Variants in SELENOW observed in about 807,000 individuals in gnomAD.
SELENOW encodes the protein selenoprotein W, also known as selenoprotein W, 1.
SELENOW carries 20 observed loss-of-function variants against 16.6 expected under a neutral mutation model. The ratio of observed to expected loss-of-function variants is 1.21; its 90% CI spans 0.85 to 1.76. The LOEUF is 1.76. SELENOW is among the 40% of genes most tolerant of loss of function. The pLI is 0.00. For missense variants in SELENOW, 124 were observed against 111.0 expected, an observed-to-expected ratio of 1.12 and a Z score of -0.53; for synonymous variants, 44 against 46.2, an observed-to-expected ratio of 0.95 and a Z score of 0.19.
intron 4 of SELENOW, 31 bp from the exon 5 acceptor site, chr19:47,781,259 C>T: frequency 3.1e-6 from 5 of 1,604,110 alleles, no homozygotes; most frequent in Non-Finnish European, 3.4e-6. Context: ...TCGGTCCCAG[C>T]TCACCCCTTC....
At chr19:47,780,453 C>T (rs761834353) in intron 1 of SELENOW, 5 of 536,558 alleles carry the variant, frequency 9.3e-6, no homozygotes, top group African/African-American at 3.8e-5. Flanking sequence ...CCTCCCCCTT[C>T]TCTGTCTCTT....
intron 3 of SELENOW, 50 bp from the exon 4 acceptor site, chr19:47,781,058 C>T: frequency 6.3e-7 from 1 of 1,580,332 alleles, no homozygotes; most frequent in Non-Finnish European, 8.7e-7. Context: ...AGGGTCTCCC[C>T]AAGAGGACAT....
intron 1 of SELENOW, chr19:47,779,825 TTAAAG>T (rs1030176930): frequency 5.8e-6 from 1 of 172,574 alleles, no homozygotes; most frequent in Non-Finnish European, 1.3e-5. Flanking sequence ...AAAAAGTAAA[TTAAAG>T]AGAGGAATTT....
At chr19:47,781,510 G>A (rs1033975136) in intron 5 of SELENOW, 122 bp downstream of exon 5, 4 of 649,700 alleles carry the variant, frequency 6.2e-6, no homozygotes, top group African/African-American at 5.4e-5. Flanking sequence ...TGTCCCCAGA[G>A]CGAGCGGGAT....
intron 5 of SELENOW, chr19:47,783,467 T>C (rs1008047598): frequency 4.6e-5 from 7 of 152,332 alleles, no homozygotes; most frequent in African/African-American, 1.7e-4. Flanking sequence ...CCTCCCGAAG[T>C]GCTGGGATTA....
chr19:47,781,420 C>A, intron 5 of SELENOW, 32 bp downstream of exon 5: 1 of 1,183,180 alleles, frequency 8.5e-7, no homozygotes. Context: ...GGACACCACC[C>A]TTTGGATCTT....
Position 47,779,893 on chromosome 19 carries a change from G to A in SELENOW, c.30-832G>A, listed in dbSNP as rs985032292. 3.2e-5 allele frequency: 8 copies of A among 251,528 alleles called. No individual in the cohort carries two copies. The South Asian group carries it at 3.3e-4, about 10-fold the overall frequency. 15.6% of individuals were successfully genotyped at this position (251,528 alleles called of 1,614,324 possible). Reference sequence around the variant, plus strand: ...GAGGCTGGGACTGGGGTGGGGGCAGGTCAGTAGCTTCAAGTCTGGACTGCA... The same window carrying A: ...GAGGCTGGGACTGGGGTGGGGGCAGATCAGTAGCTTCAAGTCTGGACTGCA... On this transcript the variant is annotated intron_variant, in intron 1 of 5. Coordinates refer to ENST00000601048, the MANE Select transcript of SELENOW (RefSeq NM_003009.4).
At chr19:47,780,327 G>A (rs1006348415) in intron 1 of SELENOW, 2 of 364,692 alleles carry the variant, frequency 5.5e-6, no homozygotes, top group African/African-American at 4.2e-5. Context: ...GGTGGGCACA[G>A]GGAGTGGGTG....
At chr19:47,780,447 C>T in intron 1 of SELENOW, 1 of 532,930 alleles carries the variant, frequency 1.9e-6, no homozygotes, top group South Asian at 2.1e-5. Context: ...TTTTCCCCTC[C>T]CCCTTCTCTG....
Position 47,781,301 on chromosome 19 carries a change from C to G in SELENOW, c.195C>G (p.Gly65=), listed in dbSNP as rs904133911. 3 of 1,613,470 alleles carry G rather than the reference C, an allele frequency of 1.9e-6. No homozygotes were observed. In the African/African-American group the frequency reaches 4.0e-5, roughly 22 times the overall value. ...CCTCCCCTCCCTAGAAAGGCGATGG[C>G]TACGTGGACACAGAAAGCAAGTTTC... is the stretch of plus-strand genomic sequence containing the variant. ...KLIHSKKKGD[G]YVDTESKFLK... is the part of the protein sequence containing the mutation. Residue 65 remains glycine, a synonymous_variant, in exon 5 of 6, where the codon GGC becomes GGG. Transcript: ENST00000601048.
intron 5 of SELENOW, chr19:47,782,291 A>G (rs1424398145): frequency 6.6e-6 from 1 of 152,228 alleles, no homozygotes; most frequent in Non-Finnish European, 1.5e-5. Flanking sequence ...ACTGAACATG[A>G]GTCCAAGAAT....
At position 47,778,746 on chromosome 19, in the gene SELENOW, C is replaced by A; in HGVS notation, c.-40C>A. On this transcript the variant is annotated 5_prime_UTR_variant, in exon 1 of 6. Coordinates refer to ENST00000601048, the MANE Select transcript of SELENOW (RefSeq NM_003009.4). ...CGTCCAGGTGGGAGGTTAGTGTGGC[C>A]CGGGCGTCCGCTCCTCAGCGGATGT... is the stretch of plus-strand genomic sequence containing the variant. 6.3e-7 allele frequency: 1 copy of A among 1,588,984 alleles called. No individual in the cohort carries two copies. Among genetic ancestry groups the A allele is most frequent in the South Asian group, 1.1e-5 (1 of 87,306 alleles).
intron 5 of SELENOW, 178 bp downstream of exon 5, chr19:47,781,566 G>T (rs1967477352): frequency 3.3e-6 from 2 of 607,398 alleles, no homozygotes; most frequent in Admixed American, 2.8e-5. Flanking sequence ...GATGGGGTCA[G>T]AGGTGTGCAG....
chr19:47,779,047 G>A (rs960717460), intron 1 of SELENOW: 5 of 554,130 alleles, frequency 9.0e-6, no homozygotes, highest in African/African-American at 7.8e-5. Context: ...AAAAGGTGGG[G>A]CTGAGACGAG....
Position 47,781,308 on chromosome 19 carries a change from G to A in SELENOW, c.202G>A (p.Asp68Asn). The A allele has an allele frequency of 6.2e-7, 1 of 1,613,646 alleles. No homozygotes were observed. Among genetic ancestry groups the A allele is most frequent in the Non-Finnish European group, 8.5e-7 (1 of 1,179,692 alleles). ...TCCCTAGAAAGGCGATGGCTACGTGGACACAGAAAGCAAGTTTCTGAAGTT... is the reference window on the plus strand; with the variant it reads ...TCCCTAGAAAGGCGATGGCTACGTGAACACAGAAAGCAAGTTTCTGAAGTT... The part of the protein sequence containing the change: ...HSKKKGDGYV[D>N]TESKFLKLVA... The change falls in exon 5 of 6, where the codon GAC (aspartate) becomes AAC (asparagine). Residue 68 changes from aspartate to asparagine, a missense_variant. Asp to Asn is a conservative substitution (Grantham distance 23). Coordinates refer to ENST00000601048, the MANE Select transcript of SELENOW (RefSeq NM_003009.4).
At position 47,781,098 on chromosome 19, in the gene SELENOW, C is replaced by CT. The variant is rs762580510; in HGVS notation, c.109-7dup. ...GCCCCTCCAACATCTCCCCTACCCC[C>CT]TTTCCTCAGTGCGGCGAGGGAACTC... On this transcript the variant is annotated splice_polypyrimidine_tract_variant and intron_variant, in intron 3 of 5. Transcript: ENST00000601048. The CT allele has an allele frequency of 2.5e-6, 4 of 1,613,132 alleles. No homozygotes were observed. The African/African-American group carries it at 5.3e-5, about 22-fold the overall frequency.
In SELENOW at chr19:47,780,767, C is replaced by CT. The variant is rs780465404; in HGVS notation, c.54+18_54+19insT. On this transcript the variant is annotated intron_variant, in intron 2 of 5. Transcript: ENST00000601048. ...AGTCCAAGGTAAGCAGAGTGGATGC[C>CT]CGGGGGGCATTCCTGGGAGCTGGGG... The CT allele has an allele frequency of 1.6e-5, 24 of 1,545,440 alleles. No individual in the cohort carries two copies. In the South Asian group the frequency reaches 2.2e-4, roughly 14 times the overall value.
intron 1 of SELENOW, chr19:47,779,017 C>G (rs1008350374): frequency 5.4e-6 from 3 of 557,450 alleles, no homozygotes; most frequent in Non-Finnish European, 9.5e-6. Context: ...ACTTGTGACA[C>G]GCTGGGCATC....
rs1196076907 is a variant in SELENOW at position 47,781,346 on chromosome 19, C to T, written c.240C>T (p.Ile80=). Residue 80 remains isoleucine, a synonymous_variant, in exon 5 of 6, where the codon ATC becomes ATT. Transcript: ENST00000601048. ...ESKFLKLVAA[I]KAALAQG ...AGTTTCTGAAGTTGGTGGCCGCCATCAAAGCCGCCTTGGCTCAGGGCTAAT... is the reference window on the plus strand; with the variant it reads ...AGTTTCTGAAGTTGGTGGCCGCCATTAAAGCCGCCTTGGCTCAGGGCTAAT... The T allele has an allele frequency of 3.1e-6, 5 of 1,608,026 alleles. No homozygotes were observed. The highest frequency in any genetic ancestry group is 4.2e-6 in the Non-Finnish European group (5 of 1,177,056).
Sources: gnomAD v4.1 joint callset for allele counts on GRCh38, gnomAD v4.1.1 for gene constraint, MANE v1.5 for transcripts, NCBI Gene and HGNC (gene_info 2026-07-23, HGNC 2026-07-21) for gene names.